Variants in PSD3 observed in about 807,000 individuals in gnomAD.
PSD3 encodes PH and SEC7 domain-containing protein 3.
Under a neutral mutation model 105.5 loss-of-function variants are expected in PSD3, and 49 were observed. That is an observed-to-expected ratio of 0.46 (90% CI 0.37 to 0.59). The LOEUF (loss-of-function observed/expected upper bound fraction) is 0.59. PSD3 is among the 20% of genes least tolerant of loss of function. PSD3 has a pLI of 0.00. For synonymous variants in PSD3, 557 were observed against 457.8 expected (o/e 1.22, Z -2.77); for missense variants, 1,561 against 1,263.8 (o/e 1.24, Z -3.57).
intron 1 of PSD3, among the ~76,000 whole-genome samples, chr8:18,943,733 G>C (rs1211165721): frequency 3.3e-5 from 5 of 152,116 alleles, no homozygotes; most frequent in Non-Finnish European, 5.9e-5. Context: ...TTATTAACTA[G>C]AGAGATTTTT....
At chr8:18,652,619 T>C (rs534830688) in intron 10 of PSD3, among the ~76,000 whole-genome samples, 2 of 147,842 alleles carry the variant, frequency 1.4e-5, no homozygotes, top group East Asian at 4.2e-4. Flanking sequence ...CGCCTCAGCC[T>C]CCTGAGTAGC....
intron 4 of PSD3, among the ~76,000 whole-genome samples, chr8:18,842,921 C>T (rs917159647): frequency 6.6e-6 from 1 of 152,150 alleles, no homozygotes. Context: ...ACACATGGAA[C>T]CAGGCATGGA....
chr8:18,930,147 T>C (rs1821643998), intron 2 of PSD3, among the ~76,000 whole-genome samples: 1 of 152,104 alleles, frequency 6.6e-6, no homozygotes, highest in Non-Finnish European at 1.5e-5. Context: ...ACAGGCACCA[T>C]ACAGCAAGAA....
chr8:18,895,007 CTGTTACA>C (rs1056757517), intron 2 of PSD3, among the ~76,000 whole-genome samples: 11 of 152,216 alleles, frequency 7.2e-5, no homozygotes. Flanking sequence ...ACAGGCCATG[CTGTTACA>C]TATCTACATT....
At chr8:18,866,095 A>G (rs1228817743) in intron 4 of PSD3, among the ~76,000 whole-genome samples, 1 of 152,170 alleles carries the variant, frequency 6.6e-6, no homozygotes, top group Non-Finnish European at 1.5e-5. Flanking sequence ...TTTGGTCTGT[A>G]ATATAAACAA....
At chr8:18,765,637 C>T in intron 8 of PSD3, 99 bp from the exon 9 acceptor site, 1 of 1,074,262 alleles carries the variant, frequency 9.3e-7, no homozygotes, top group Non-Finnish European at 1.4e-6. Flanking sequence ...TTTCTAAAAA[C>T]ATAACTAGGC....
At chr8:19,068,763 A>T (rs996638371) in intron 1 of PSD3, among the ~76,000 whole-genome samples, 1 of 45,170 alleles carries the variant, frequency 2.2e-5, no homozygotes, top group South Asian at 5.1e-4. Context: ...AGTTTAATTA[A>T]AAAAAAAAAA....
intron 2 of PSD3, among the ~76,000 whole-genome samples, chr8:18,902,272 T>C (rs181561184): frequency 5.9e-5 from 9 of 152,360 alleles, no homozygotes; most frequent in Admixed American, 1.3e-4. Context: ...AAGTCTTCTA[T>C]TGAAGGTCTC....
At chr8:18,793,385 A>C (rs1204479150) in intron 8 of PSD3, among the ~76,000 whole-genome samples, 1 of 151,268 alleles carries the variant, frequency 6.6e-6, no homozygotes, top group Non-Finnish European at 1.5e-5. Context: ...AAAAAAAACA[A>C]AACAAAACTG....
chr8:18,783,184 C>G (rs1353935287), intron 8 of PSD3, among the ~76,000 whole-genome samples: 1 of 152,118 alleles, frequency 6.6e-6, no homozygotes, highest in Non-Finnish European at 1.5e-5. Flanking sequence ...AGGATCTATT[C>G]AGGTTTTGTT....
chr8:18,951,779 G>A (rs1348908859), intron 1 of PSD3, among the ~76,000 whole-genome samples: 1 of 152,078 alleles, frequency 6.6e-6, no homozygotes, highest in Non-Finnish European at 1.5e-5. Context: ...GAGGTCAGGA[G>A]TTCGAGACCA....
At chr8:18,583,456 C>CA (rs1802953313) in intron 12 of PSD3, among the ~76,000 whole-genome samples, 1 of 152,054 alleles carries the variant, frequency 6.6e-6, no homozygotes, top group South Asian at 2.1e-4. Context: ...ATAATCAGGT[C>CA]ACTCCCCATT....
intron 11 of PSD3, among the ~76,000 whole-genome samples, chr8:18,607,285 A>G (rs1460490544): frequency 6.6e-6 from 1 of 152,208 alleles, no homozygotes; most frequent in Non-Finnish European, 1.5e-5. Flanking sequence ...TTTCTGCAGA[A>G]TAGTTATCTA....
chr8:18,795,971 T>C (rs560710666), intron 8 of PSD3, among the ~76,000 whole-genome samples: 8 of 152,310 alleles, frequency 5.3e-5, no homozygotes, highest in South Asian at 2.1e-4. Context: ...AGAAGTTTAA[T>C]TTACATAAGT....
At chr8:19,038,354 C>A (rs1828013811) in intron 1 of PSD3, among the ~76,000 whole-genome samples, 1 of 152,096 alleles carries the variant, frequency 6.6e-6, no homozygotes, top group South Asian at 2.1e-4. Context: ...CTTTTTCTTT[C>A]TTTTACAGGA....
chr8:18,910,081 C>T (rs1362536233), intron 2 of PSD3, among the ~76,000 whole-genome samples: 1 of 152,136 alleles, frequency 6.6e-6, no homozygotes, highest in Non-Finnish European at 1.5e-5. Flanking sequence ...TCATTGGCAC[C>T]CAAATGCTCC....
At position 18,821,451 on chromosome 8, in the gene PSD3, G is replaced by GA. The variant is rs564016054; in HGVS notation, c.1635-16554dup. On this transcript the variant is annotated intron_variant, in intron 4 of 15. Coordinates refer to ENST00000327040, the MANE Select transcript of PSD3 (RefSeq NM_015310.4). ...GAGATTATAGGTAACTATTCCTCAT[G>GA]AAAAAAAATTACAGGTTGGATGAAA... is the stretch of plus-strand genomic sequence containing the variant. Among the ~76,000 whole-genome samples, 862 of 151,772 alleles carry GA rather than the reference G, an allele frequency of 5.7e-3. 7 individuals are homozygous for GA. Among genetic ancestry groups the GA allele is most frequent in the African/African-American group, 0.02 (820 of 41,398 alleles).
intron 2 of PSD3, among the ~76,000 whole-genome samples, chr8:18,902,076 C>T (rs1466633141): frequency 1.3e-5 from 2 of 152,146 alleles, no homozygotes; most frequent in Non-Finnish European, 2.9e-5. Flanking sequence ...AGATTCCTGG[C>T]TCTAGATGTC....
intron 4 of PSD3, among the ~76,000 whole-genome samples, chr8:18,835,889 G>A (rs575862790): frequency 2.6e-5 from 4 of 151,398 alleles, no homozygotes; most frequent in African/African-American, 7.3e-5. Flanking sequence ...ATGGGGGGGC[G>A]GATCGTGTAG....
Sources: allele counts gnomAD v4.1 joint callset (sites outside exome capture counted in the v4.1 genomes callset), GRCh38; gene constraint gnomAD v4.1.1; transcripts MANE v1.5; gene names NCBI Gene and HGNC (gene_info 2026-07-23, HGNC 2026-07-21).